SSH2: variants seen among roughly 807,000 people sequenced by gnomAD.
SSH2 encodes slingshot protein phosphatase 2, also known as protein phosphatase Slingshot homolog 2.
In SSH2, 37 loss-of-function variants were observed where a neutral mutation model predicts 135.2. The observed-to-expected ratio is 0.27, with a 90% CI of 0.21 to 0.36. SSH2 has a LOEUF of 0.36. SSH2 is among the 10% of genes least tolerant of loss of function. SSH2 has a pLI of 1.00. For synonymous variants in SSH2, 628 were observed against 646.2 expected (o/e 0.97, Z 0.43); for missense variants, 1,408 against 1,765.3 (o/e 0.80, Z 3.63).
chr17:29,919,912 ATTT>A (rs938645973), intron 1 of SSH2, among the ~76,000 whole-genome samples: 1 of 152,044 alleles, frequency 6.6e-6, no homozygotes, highest in African/African-American at 2.4e-5. Flanking sequence ...TGATTTATTT[ATTT>A]ATTTATTTTC....
intron 1 of SSH2, among the ~76,000 whole-genome samples, chr17:29,853,597 C>T (rs961651123): frequency 1.3e-5 from 2 of 151,822 alleles, no homozygotes; most frequent in African/African-American, 4.9e-5. Context: ...CAAAGTCAAA[C>T]TCATATTCTT....
chr17:29,649,680 C>T (rs2150998918), intron 13 of SSH2, among the ~76,000 whole-genome samples: 1 of 152,300 alleles, frequency 6.6e-6, no homozygotes, highest in East Asian at 1.9e-4. Context: ...ACTTATTTGA[C>T]CTCTCTGAAT....
At chr17:29,831,163 G>A (rs1448832006) in intron 2 of SSH2, among the ~76,000 whole-genome samples, 3 of 152,114 alleles carry the variant, frequency 2.0e-5, no homozygotes, top group Non-Finnish European at 4.4e-5. Flanking sequence ...ACCCGGGTGA[G>A]GGTCTGCTAC....
At chr17:29,646,120 C>T (rs945264462) in intron 14 of SSH2, among the ~76,000 whole-genome samples, 3 of 152,160 alleles carry the variant, frequency 2.0e-5, no homozygotes, top group African/African-American at 7.2e-5. Context: ...ATCTAGAAAT[C>T]CACAGAATTT....
At chr17:29,748,574 A>G (rs1187930271) in intron 3 of SSH2, among the ~76,000 whole-genome samples, 1 of 152,108 alleles carries the variant, frequency 6.6e-6, no homozygotes, top group Non-Finnish European at 1.5e-5. Flanking sequence ...CAATTACTCA[A>G]TTATCAATTA....
At chr17:29,660,417 C>T (rs2036982546) in intron 11 of SSH2, among the ~76,000 whole-genome samples, 1 of 151,924 alleles carries the variant, frequency 6.6e-6, no homozygotes, top group Admixed American at 6.6e-5. Context: ...CAGGTGTGCG[C>T]CACCACATTC....
At chr17:29,857,606 C>A (rs191448492) in intron 1 of SSH2, among the ~76,000 whole-genome samples, 1 of 152,274 alleles carries the variant, frequency 6.6e-6, no homozygotes, top group East Asian at 1.9e-4. Flanking sequence ...CCTCCCATCT[C>A]AGCCTCCCTA....
chr17:29,788,054 G>A (rs2042000466), intron 3 of SSH2, among the ~76,000 whole-genome samples: 1 of 151,996 alleles, frequency 6.6e-6, no homozygotes, highest in African/African-American at 2.4e-5. Flanking sequence ...TATGCTTATT[G>A]CTTATTTGTT....
chr17:29,631,460 C>T lies in SSH2; in HGVS notation c.3734G>A (p.Ser1245Asn), dbSNP rs1424178566. The change falls in exon 16 of 16, where the codon AGT becomes AAT. Residue 1245 changes from serine (S) to asparagine (N), a missense_variant. By Grantham distance (46) the Ser-to-Asn change is conservative (BLOSUM62 1). Around this residue, in one of 3 missense-constraint regions of SSH2, gnomAD observed 1,080 missense variants for 1,144.5 expected, o/e 0.94. Coordinates refer to ENST00000540801, the MANE Select transcript of SSH2 (RefSeq NM_001282129.2). ...VACRLPHSSSSENIKSLSHSP... is the reference protein window; with the variant it reads ...VACRLPHSSSNENIKSLSHSP... Reference sequence around the variant, plus strand: ...GTGGCTGAGACTCTTTATGTTTTCACTACTAGAGCTATGTGGGAGTCGACA... The same window carrying T: ...GTGGCTGAGACTCTTTATGTTTTCATTACTAGAGCTATGTGGGAGTCGACA... The T allele has an allele frequency of 6.2e-7, 1 of 1,614,164 alleles. No homozygotes were observed. The highest frequency in any genetic ancestry group is 2.2e-5 in the East Asian group (1 of 44,880).
chr17:29,741,861 G>A (rs959871576), intron 3 of SSH2, among the ~76,000 whole-genome samples: 10 of 150,928 alleles, frequency 6.6e-5, no homozygotes, highest in Admixed American at 2.6e-4. Flanking sequence ...TGATCTGCCC[G>A]TCTAAGCTTC....
chr17:29,822,069 A>G (rs867093799), intron 2 of SSH2, among the ~76,000 whole-genome samples: 8 of 152,244 alleles, frequency 5.3e-5, no homozygotes, highest in African/African-American at 1.2e-4. Flanking sequence ...CACACTTAAT[A>G]TGATCACAGA....
At chr17:29,786,895 G>A (rs1243341721) in intron 3 of SSH2, among the ~76,000 whole-genome samples, 2 of 152,206 alleles carry the variant, frequency 1.3e-5, no homozygotes, top group African/African-American at 2.4e-5. Flanking sequence ...CTGCACTCCC[G>A]CCTGTGTGGC....
intron 3 of SSH2, among the ~76,000 whole-genome samples, chr17:29,753,526 G>A (rs1017849296): frequency 2.6e-5 from 4 of 151,834 alleles, no homozygotes; most frequent in African/African-American, 9.7e-5. Context: ...GCCAGGTGCG[G>A]TGCCTCACGT....
intron 3 of SSH2, among the ~76,000 whole-genome samples, chr17:29,706,096 T>C (rs2039189675): frequency 6.6e-6 from 1 of 152,186 alleles, no homozygotes; most frequent in African/African-American, 2.4e-5. Flanking sequence ...TTCCACACTG[T>C]ATGTCTGTCC....
At chr17:29,860,047 C>T (rs1221077649) in intron 1 of SSH2, among the ~76,000 whole-genome samples, 1 of 152,046 alleles carries the variant, frequency 6.6e-6, no homozygotes, top group Admixed American at 6.6e-5. Flanking sequence ...AGGGTTTCAC[C>T]ATGTTGACCA....
In SSH2 at chr17:29,738,714, C is replaced by T. The variant is rs1237779643; in HGVS notation, c.189-35652G>A. ...GACTACAGGTGCCCGCCACCATGCCCGGCTAATTTTTTTGTATTTTTAGTA... is the reference window on the plus strand; with the variant it reads ...GACTACAGGTGCCCGCCACCATGCCTGGCTAATTTTTTTGTATTTTTAGTA... On this transcript the variant is annotated intron_variant, in intron 3 of 15. Transcript: ENST00000540801. Among the ~76,000 whole-genome samples, 13 of 152,022 alleles carry T rather than the reference C, an allele frequency of 8.6e-5. No homozygotes were observed. The East Asian group carries it at 1.2e-3, about 14-fold the overall frequency.
intron 3 of SSH2, among the ~76,000 whole-genome samples, chr17:29,737,073 TG>T (rs1396287005): frequency 2.0e-4 from 22 of 110,890 alleles, no homozygotes; most frequent in Middle Eastern, 0.018. Flanking sequence ...CACTCCAGCC[TG>T]GGCGACAGAG....
chr17:29,745,023 G>A (rs2040711707), intron 3 of SSH2, among the ~76,000 whole-genome samples: 1 of 152,062 alleles, frequency 6.6e-6, no homozygotes, highest in Non-Finnish European at 1.5e-5. Context: ...CAATGGCCTT[G>A]CAAAATTGGC....
chr17:29,824,966 C>G (rs1346812005), intron 2 of SSH2, among the ~76,000 whole-genome samples: 2 of 151,870 alleles, frequency 1.3e-5, no homozygotes, highest in Non-Finnish European at 2.9e-5. Context: ...TTTTCATTGC[C>G]TTATAGGGAG....
Sources: gnomAD v4.1 joint callset for allele counts (sites outside exome capture counted in the v4.1 genomes callset) on GRCh38, gnomAD v4.1.1 for gene constraint, gnomAD v4.1.1 regional missense constraint, MANE v1.5 for transcripts, NCBI Gene and HGNC (gene_info 2026-07-23, HGNC 2026-07-21) for gene names.